The following SYT9 variants were observed in gnomAD, a reference collection of about 807,000 sequenced individuals.
SYT9 encodes the protein synaptotagmin 9.
Under a neutral mutation model 48.4 loss-of-function variants are expected in SYT9, and 22 were observed. The ratio of observed to expected loss-of-function variants is 0.45; its 90% confidence interval spans 0.32 to 0.65. The LOEUF (loss-of-function observed/expected upper bound fraction) is 0.65. Ranked by LOEUF, SYT9 falls within the 30% of genes least tolerant of loss-of-function variation. The probability of loss-of-function intolerance (pLI) is 0.03; values close to 1 mark genes in which losing one functional copy is unlikely to be tolerated. For synonymous variants in SYT9, 265 were observed against 245.0 expected (o/e 1.08, Z -0.76); for missense variants, 577 against 622.0 (o/e 0.93, Z 0.77).
intron 3 of SYT9, among the ~76,000 whole-genome samples, chr11:7,395,281 G>C (rs1021218014): frequency 6.6e-6 from 1 of 152,158 alleles, no homozygotes; most frequent in Non-Finnish European, 1.5e-5. Context: ...GTCAATTTCA[G>C]ATTATGTTCT....
chr11:7,278,255 A>G (rs1848434191), intron 1 of SYT9, among the ~76,000 whole-genome samples: 1 of 152,176 alleles, frequency 6.6e-6, no homozygotes, highest in Non-Finnish European at 1.5e-5. Flanking sequence ...CTATTAATCC[A>G]TTAGCCCATT....
At chr11:7,393,250 C>G (rs117817669) in intron 3 of SYT9, among the ~76,000 whole-genome samples, 1 of 145,964 alleles carries the variant, frequency 6.9e-6, no homozygotes, top group East Asian at 2.0e-4. Context: ...ATAGATGGCT[C>G]TTTCTATTTT....
At chr11:7,420,680 C>T (rs1218131894) in intron 6 of SYT9, 45 bp downstream of exon 6, 3 of 1,607,500 alleles carry the variant, frequency 1.9e-6, no homozygotes, top group Admixed American at 1.7e-5. Flanking sequence ...AGAGTAAATG[C>T]TTTACTGTTG....
intron 3 of SYT9, among the ~76,000 whole-genome samples, chr11:7,401,609 G>A (rs1846894749): frequency 6.6e-6 from 1 of 151,538 alleles, no homozygotes; most frequent in African/African-American, 2.4e-5. Flanking sequence ...TTAGTGTGGT[G>A]TGATTGTTTT....
chr11:7,283,674 C>G (rs577745336), intron 1 of SYT9, among the ~76,000 whole-genome samples: 49 of 152,098 alleles, frequency 3.2e-4, no homozygotes, highest in Non-Finnish European at 6.2e-4. Flanking sequence ...GCCAAGAAGA[C>G]TTTTTAATAT....
intron 3 of SYT9, among the ~76,000 whole-genome samples, chr11:7,397,534 A>G (rs951961573): frequency 2.0e-5 from 3 of 152,152 alleles, no homozygotes; most frequent in East Asian, 1.9e-4. Flanking sequence ...TAATTTTAGA[A>G]TCAGTATTTC....
intron 3 of SYT9, among the ~76,000 whole-genome samples, chr11:7,332,187 T>G (rs920684150): frequency 6.6e-6 from 1 of 152,140 alleles, no homozygotes; most frequent in Non-Finnish European, 1.5e-5. Flanking sequence ...TTCCTGAGCC[T>G]GATGCCACAA....
At chr11:7,439,530 A>G (rs1239178741) in intron 6 of SYT9, 8 of 152,380 alleles carry the variant, frequency 5.3e-5, no homozygotes, top group Admixed American at 5.2e-4. Context: ...AGTCACAGGA[A>G]TTGCAGTCAA....
At chr11:7,374,540 A>T (rs35853902) in intron 3 of SYT9, among the ~76,000 whole-genome samples, 48,381 of 152,004 alleles carry the variant, frequency 0.32, 8,376 homozygotes, top group African/African-American at 0.45. Context: ...CCACCAACAG[A>T]GTAAAAGCGT....
intron 1 of SYT9, among the ~76,000 whole-genome samples, chr11:7,239,109 A>G (rs1048865889): frequency 6.6e-5 from 10 of 152,136 alleles, no homozygotes; most frequent in Admixed American, 1.3e-4. Context: ...TGTTTAAACT[A>G]TCTAGTGAGC....
chr11:7,392,206 C>T (rs993405000), intron 3 of SYT9, among the ~76,000 whole-genome samples: 2 of 151,994 alleles, frequency 1.3e-5, no homozygotes, highest in African/African-American at 4.8e-5. Flanking sequence ...AATGGTATTT[C>T]CTAAGTTTTC....
At chr11:7,357,057 A>G (rs1850034698) in intron 3 of SYT9, among the ~76,000 whole-genome samples, 1 of 152,232 alleles carries the variant, frequency 6.6e-6, no homozygotes, top group South Asian at 2.1e-4. Flanking sequence ...GTTTTCCCAA[A>G]GAACTAGCAT....
intron 1 of SYT9, among the ~76,000 whole-genome samples, chr11:7,285,284 A>G (rs547214344): frequency 6.6e-6 from 1 of 152,240 alleles, no homozygotes; most frequent in Non-Finnish European, 1.5e-5. Context: ...CAGGAAACTT[A>G]CAATCATGGC....
chr11:7,468,206 T>C lies in SYT9; in HGVS notation c.*1406T>C. 2 of 398,612 alleles carry C rather than the reference T, an allele frequency of 5.0e-6. No individual in the cohort carries two copies. Among genetic ancestry groups the C allele is most frequent in the Non-Finnish European group, 8.8e-6 (2 of 226,024 alleles). The allele number at this position is 398,612 out of a possible 1,614,324, so 24.7% of individuals were successfully genotyped here. On this transcript the variant is annotated 3_prime_UTR_variant, in exon 7 of 7. Coordinates refer to ENST00000318881, the MANE Select transcript of SYT9 (RefSeq NM_175733.4). ...GTTTACCTTCCTGGAAAGCTCATTA[T>C]CTCTGTTTGAATTAACATTTCAGCA...
chr11:7,377,736 C>G (rs1320273861), intron 3 of SYT9, among the ~76,000 whole-genome samples: 1 of 152,130 alleles, frequency 6.6e-6, no homozygotes, highest in Non-Finnish European at 1.5e-5. Flanking sequence ...CTCCGCCACA[C>G]AAGAGAAGAG....
rs71056799 is a variant in SYT9, at chr11:7,349,382, AAC to A, written c.1044+35466_1044+35467del. Among the ~76,000 whole-genome samples the A allele has an allele frequency of 1.0e-3, 149 of 148,254 alleles. 1 individual carries two copies. The highest frequency in any genetic ancestry group is 3.2e-3 in the African/African-American group (130 of 40,140). ...ATTTTACCACAATAAAAAATATACA[AAC>A]ACACACACACACACACACACACACC... On this transcript the variant is annotated intron_variant, in intron 3 of 6. Transcript: ENST00000318881.
chr11:7,257,716 T>C (rs1410102327), intron 1 of SYT9, among the ~76,000 whole-genome samples: 5 of 152,056 alleles, frequency 3.3e-5, no homozygotes, highest in African/African-American at 1.2e-4. Context: ...GGAAAAAGAG[T>C]CTTCTAAGGA....
intron 3 of SYT9, among the ~76,000 whole-genome samples, chr11:7,390,129 C>T (rs1589991844): frequency 2.0e-5 from 3 of 152,124 alleles, no homozygotes; most frequent in Admixed American, 1.3e-4. Flanking sequence ...TGCTATCCCT[C>T]CCCCAGCTCC....
chr11:7,265,743 T>G (rs1848168786), intron 1 of SYT9, among the ~76,000 whole-genome samples: 1 of 151,854 alleles, frequency 6.6e-6, no homozygotes, highest in Non-Finnish European at 1.5e-5. Context: ...GCACAATTAC[T>G]AATAAATTCT....
Sources: gnomAD v4.1 joint callset for allele counts (sites outside exome capture counted in the v4.1 genomes callset) on GRCh38, gnomAD v4.1.1 for gene constraint, MANE v1.5 for transcripts, NCBI Gene and HGNC (gene_info 2026-07-23, HGNC 2026-07-21) for gene names.